The following GPR39 variants were observed in gnomAD, a reference collection of about 807,000 sequenced individuals.
The protein encoded by GPR39 is zinc sensing receptor.
GPR39 carries 23 observed loss-of-function variants against 18.4 expected under a neutral mutation model. That is an observed-to-expected ratio of 1.25 (90% CI 0.90 to 1.77). GPR39 has a LOEUF of 1.77. Ranked by LOEUF, GPR39 falls within the 40% of genes most tolerant of loss-of-function variation. The pLI, the probability that GPR39 is intolerant of heterozygous loss-of-function variation, is 0.00. For synonymous variants in GPR39, 280 were observed against 257.9 expected (o/e 1.09, Z -0.82); for missense variants, 647 against 602.4 (o/e 1.07, Z -0.78).
At chr2:132,433,497 A>G (rs1454085198) in intron 1 of GPR39, among the ~76,000 whole-genome samples, 1 of 151,996 alleles carries the variant, frequency 6.6e-6, no homozygotes, top group Non-Finnish European at 1.5e-5. Flanking sequence ...TGCAAATACC[A>G]TAAACCTTGA....
chr2:132,591,229 G>A (rs547364019), intron 1 of GPR39, among the ~76,000 whole-genome samples: 1,795 of 136,058 alleles, frequency 0.013, 17 homozygotes, highest in Non-Finnish European at 0.019. Context: ...CCGCAGTCCG[G>A]CCTGGGCGAC....
At chr2:132,423,034 G>A (rs1177964326) in intron 1 of GPR39, among the ~76,000 whole-genome samples, 1 of 151,948 alleles carries the variant, frequency 6.6e-6, no homozygotes, top group African/African-American at 2.4e-5. Context: ...ATATTGAATT[G>A]GGAGTCAAGG....
At chr2:132,569,212 AAG>A (rs1378805891) in intron 1 of GPR39, among the ~76,000 whole-genome samples, 1 of 152,082 alleles carries the variant, frequency 6.6e-6, no homozygotes, top group Admixed American at 6.5e-5. Context: ...AAAGAATAAC[AAG>A]AGAGATGTTT....
chr2:132,614,189 T>A (rs1258968468), intron 1 of GPR39, among the ~76,000 whole-genome samples: 2 of 147,834 alleles, frequency 1.4e-5, no homozygotes, highest in African/African-American at 4.9e-5. Context: ...TTTTTTTTTG[T>A]TTTTGTTTTG....
chr2:132,441,671 A>G (rs181103608), intron 1 of GPR39, among the ~76,000 whole-genome samples: 26 of 152,280 alleles, frequency 1.7e-4, no homozygotes, highest in Admixed American at 1.6e-3. Flanking sequence ...CATTTCTTCC[A>G]TTTAGCTGTT....
intron 1 of GPR39, among the ~76,000 whole-genome samples, chr2:132,639,516 A>G (rs1272392913): frequency 2.0e-5 from 3 of 152,354 alleles, no homozygotes; most frequent in Non-Finnish European, 1.5e-5. Flanking sequence ...ATTACACAAA[A>G]TATCTTTGCT....
chr2:132,599,972 G>A (rs369449330), intron 1 of GPR39, among the ~76,000 whole-genome samples: 5 of 152,140 alleles, frequency 3.3e-5, no homozygotes, highest in African/African-American at 7.2e-5. Flanking sequence ...GTGTCTACCC[G>A]CAAATGCTGT....
chr2:132,469,985 T>G (rs192576538), intron 1 of GPR39, among the ~76,000 whole-genome samples: 2 of 152,176 alleles, frequency 1.3e-5, no homozygotes, highest in Admixed American at 6.5e-5. Flanking sequence ...TGCAAGGTCT[T>G]TAAGTGTGGG....
At position 132,535,695 on chromosome 2, in the gene GPR39, C is replaced by CTTTT. The variant is rs753801511; in HGVS notation, c.857-109398_857-109395dup. Among the ~76,000 whole-genome samples, 31 of 96,538 alleles carry CTTTT rather than the reference C, an allele frequency of 3.2e-4. 6 individuals carry two copies. In the East Asian group the frequency reaches 7.6e-3, roughly 24 times the overall value. 63.3% of individuals were successfully genotyped at this position (96,538 alleles called of 152,430 possible). ...GGCTGTGAATCCATCTGGTCCTGGGCTTTTTTTTTTTGGTTGGTAGGCTAT... is the reference window on the plus strand; with the variant it reads ...GGCTGTGAATCCATCTGGTCCTGGGCTTTTTTTTTTTTTTTGGTTGGTAGGCTAT... On this transcript the variant is annotated intron_variant, in intron 1 of 1. Transcript: ENST00000329321.
intron 1 of GPR39, among the ~76,000 whole-genome samples, chr2:132,481,768 C>G (rs1358699203): frequency 6.6e-6 from 1 of 152,130 alleles, no homozygotes; most frequent in Non-Finnish European, 1.5e-5. Flanking sequence ...TTCTGAAAAT[C>G]AGATGATCTT....
intron 1 of GPR39, among the ~76,000 whole-genome samples, chr2:132,484,160 T>A (rs1455037563): frequency 6.6e-6 from 1 of 152,168 alleles, no homozygotes; most frequent in Admixed American, 6.5e-5. Flanking sequence ...CACTGATGTG[T>A]TGCGCTAGTT....
At chr2:132,595,267 A>T (rs764671958) in intron 1 of GPR39, among the ~76,000 whole-genome samples, 1 of 151,952 alleles carries the variant, frequency 6.6e-6, no homozygotes, top group African/African-American at 2.4e-5. Flanking sequence ...CTCCCAAACC[A>T]CTGGGATTAT....
intron 1 of GPR39, among the ~76,000 whole-genome samples, chr2:132,513,728 T>C (rs574442411): frequency 6.6e-6 from 1 of 152,366 alleles, no homozygotes; most frequent in African/African-American, 2.4e-5. Flanking sequence ...GAATTTCTTT[T>C]TTTAGATGGG....
chr2:132,627,270 T>G (rs1388263879), intron 1 of GPR39, among the ~76,000 whole-genome samples: 1 of 152,116 alleles, frequency 6.6e-6, no homozygotes, highest in Non-Finnish European at 1.5e-5. Flanking sequence ...TCAGGGACAA[T>G]GGCTCCCCAG....
chr2:132,558,757 A>C (rs1178386457), intron 1 of GPR39, among the ~76,000 whole-genome samples: 2 of 152,240 alleles, frequency 1.3e-5, no homozygotes, highest in African/African-American at 2.4e-5. Flanking sequence ...ATTAGTGACC[A>C]GCCATGAATC....
rs376368807 is a variant in GPR39 at position 132,525,259 on chromosome 2, G to A, written c.856+107361G>A. Among the ~76,000 whole-genome samples the A allele has an allele frequency of 1.9e-4, 29 of 152,352 alleles. No homozygotes were observed. In the East Asian group the frequency reaches 2.5e-3, roughly 13 times the overall value. Reference sequence around the variant, plus strand: ...GATTGATTCAGAGCACGAGGCTGAAGGCTCAGCTTGGCCATTGACTGAGTG... The same window carrying A: ...GATTGATTCAGAGCACGAGGCTGAAAGCTCAGCTTGGCCATTGACTGAGTG... On this transcript the variant is annotated intron_variant, in intron 1 of 1. Transcript: ENST00000329321.
At chr2:132,454,857 T>C (rs1164661093) in intron 1 of GPR39, among the ~76,000 whole-genome samples, 1 of 152,210 alleles carries the variant, frequency 6.6e-6, no homozygotes, top group Non-Finnish European at 1.5e-5. Flanking sequence ...GATAAGATTT[T>C]TGATGTGCTG....
chr2:132,616,712 T>C (rs1681340985), intron 1 of GPR39, among the ~76,000 whole-genome samples: 1 of 152,236 alleles, frequency 6.6e-6, no homozygotes, highest in South Asian at 2.1e-4. Context: ...GGGCCAAGAC[T>C]GGGCTTGCCT....
In GPR39 at chr2:132,605,418, G is replaced by T. The variant is rs80006069; in HGVS notation, c.857-39683G>T. 2.3e-4 allele frequency among the ~76,000 whole-genome samples: 35 copies of T among 151,976 alleles called. No homozygotes were observed. In the East Asian group the frequency reaches 6.2e-3, roughly 27 times the overall value. ...ATGCGGCCCATTAGTCTGCTCAGTGGCCTGGTGCTTCTTGGCAAAGCCCAA... is the reference window on the plus strand; with the variant it reads ...ATGCGGCCCATTAGTCTGCTCAGTGTCCTGGTGCTTCTTGGCAAAGCCCAA... On this transcript the variant is annotated intron_variant, in intron 1 of 1. Transcript: ENST00000329321.
Sources: gnomAD v4.1 joint callset for allele counts (sites outside exome capture counted in the v4.1 genomes callset) on GRCh38, gnomAD v4.1.1 for gene constraint, MANE v1.5 for transcripts, NCBI Gene and HGNC (gene_info 2026-07-23, HGNC 2026-07-21) for gene names.